Variants in SCN8A observed in about 807,000 individuals in gnomAD.
SCN8A encodes the protein sodium voltage-gated channel alpha subunit 8.
Under a neutral mutation model 184.1 loss-of-function variants are expected in SCN8A, and 30 were observed. That is an observed-to-expected ratio of 0.16 (90% CI 0.12 to 0.22). The LOEUF is 0.22. SCN8A is among the 10% of genes least tolerant of loss of function. SCN8A has a pLI of 1.00. For missense variants in SCN8A, 1,057 were observed against 2,498.9 expected (o/e 0.42, Z 12.30); for synonymous variants, 852 against 907.0 (o/e 0.94, Z 1.09).
chr12:51,720,529 C>T (rs1386980849), intron 11 of SCN8A, among the ~76,000 whole-genome samples: 1 of 151,378 alleles, frequency 6.6e-6, no homozygotes, highest in African/African-American at 2.4e-5. Flanking sequence ...GGGTGCAGCA[C>T]ACCAACATGG....
intron 11 of SCN8A, among the ~76,000 whole-genome samples, chr12:51,719,992 C>T (rs879388578): frequency 1.5e-3 from 210 of 144,294 alleles, no homozygotes; most frequent in Non-Finnish European, 2.5e-3. Flanking sequence ...AGGAGAATGG[C>T]GTGAACCTGG....
intron 16 of SCN8A, among the ~76,000 whole-genome samples, chr12:51,767,183 A>AT (rs755930489): frequency 1.2e-4 from 18 of 152,232 alleles, no homozygotes; most frequent in Non-Finnish European, 2.4e-4. Context: ...TTCAGTGACT[A>AT]TAACAATGGC....
At chr12:51,748,430 A>G (rs1189348528) in intron 13 of SCN8A, among the ~76,000 whole-genome samples, 1 of 152,092 alleles carries the variant, frequency 6.6e-6, no homozygotes. Context: ...CAGCACATTT[A>G]GTAGAGTTCA....
At chr12:51,710,769 A>G (rs1371380485) in intron 11 of SCN8A, among the ~76,000 whole-genome samples, 1 of 152,236 alleles carries the variant, frequency 6.6e-6, no homozygotes, top group Non-Finnish European at 1.5e-5. Flanking sequence ...TCCTTTCAAG[A>G]AACCTTCCCT....
At chr12:51,613,547 C>G (rs1350151035) in intron 1 of SCN8A, among the ~76,000 whole-genome samples, 1 of 151,868 alleles carries the variant, frequency 6.6e-6, no homozygotes, top group African/African-American at 2.4e-5. Context: ...TTTCAAAGAA[C>G]CAGCTTTTCC....
intron 21 of SCN8A, among the ~76,000 whole-genome samples, chr12:51,782,717 C>G (rs530796846): frequency 6.6e-6 from 1 of 152,174 alleles, no homozygotes; most frequent in South Asian, 2.1e-4. Context: ...TCCTCATGGC[C>G]GCTGAGGCCA....
Position 51,769,345 on chromosome 12 carries a change from C to A in SCN8A, c.3372+10C>A. ...TGAAGGCAGCAAAGATGTAAGGTCC[C>A]AGCCTAGAAACAGCCTTGATCCTGT... On this transcript the variant is annotated intron_variant, in intron 17 of 26. Coordinates refer to ENST00000627620, the MANE Select transcript of SCN8A (RefSeq NM_001330260.2). The A allele has an allele frequency of 6.4e-7, 1 of 1,563,518 alleles. No individual in the cohort carries two copies. The highest frequency in any genetic ancestry group is 1.2e-5 in the South Asian group (1 of 82,540).
At chr12:51,664,887 C>T (rs113888513) in intron 2 of SCN8A, among the ~76,000 whole-genome samples, 9,089 of 152,074 alleles carry the variant, frequency 0.06, 322 homozygotes, top group South Asian at 0.14. Context: ...TCCCCCCATT[C>T]CCTACCTCTG....
Position 51,754,323 on chromosome 12 carries a change from C to CTT in SCN8A, c.2370+2745_2370+2746dup, listed in dbSNP as rs35536426. ...GTTTCAAGTACAGTACAAAAAACTT[C>CTT]TTTTTTTTTTTTTTTTACAATAAAA... On this transcript the variant is annotated intron_variant, in intron 14 of 26. Transcript: ENST00000627620. Among the ~76,000 whole-genome samples the CTT allele has an allele frequency of 8.0e-3, 1,152 of 144,582 alleles. 27 individuals carry two copies. The South Asian group carries it at 0.094, about 12-fold the overall frequency. 94.9% of individuals were successfully genotyped at this position (144,582 alleles called of 152,430 possible).
intron 2 of SCN8A, among the ~76,000 whole-genome samples, chr12:51,668,318 C>T (rs1453558695): frequency 6.6e-6 from 1 of 152,094 alleles, no homozygotes; most frequent in East Asian, 1.9e-4. Context: ...CCTTAGACAT[C>T]ATCTAGTTCA....
intron 22 of SCN8A, among the ~76,000 whole-genome samples, chr12:51,787,947 A>T (rs1938133415): frequency 6.6e-6 from 1 of 152,220 alleles, no homozygotes; most frequent in African/African-American, 2.4e-5. Context: ...CCAGTCAAAC[A>T]TGGTAGTCAC....
rs1213382628 is a variant in SCN8A at position 51,721,563 on chromosome 12, A to G, written c.1653A>G (p.Pro551=). ...CCCTGCAGTCACTGCTCAGCATCCC[A>G]GGCTCGCCCTTCCTCTCCCGCCACA... ...SIMNQSLLSI[P]GSPFLSRHNS... The change falls in exon 12 of 27, where the codon CCA becomes CCG. Residue 551 remains proline (P), a synonymous_variant. Coordinates refer to ENST00000627620, the MANE Select transcript of SCN8A (RefSeq NM_001330260.2). 6.2e-7 allele frequency: 1 copy of G among 1,603,908 alleles called. No individual in the cohort carries two copies. Among genetic ancestry groups the G allele is most frequent in the Non-Finnish European group, 8.5e-7 (1 of 1,175,158 alleles).
chr12:51,654,620 ATG>A (rs1385237924), intron 1 of SCN8A, among the ~76,000 whole-genome samples: 1 of 151,896 alleles, frequency 6.6e-6, no homozygotes, highest in Non-Finnish European at 1.5e-5. Flanking sequence ...ATATCAGGAA[ATG>A]TGAGTCCTCC....
Position 51,663,903 on chromosome 12 carries a change from A to ATT in SCN8A, c.276+833_276+834dup, listed in dbSNP as rs796653928. Among the ~76,000 whole-genome samples, 83 of 69,810 alleles carry ATT rather than the reference A, an allele frequency of 1.2e-3. 1 individual carries two copies. Among genetic ancestry groups the ATT allele is most frequent in the African/African-American group, 2.5e-3 (51 of 20,734 alleles). 45.8% of individuals were successfully genotyped at this position (69,810 alleles called of 152,430 possible). ...TTTTAGGGAACCCCTCATTTGACAG[A>ATT]TTTTTTTTTTTTTTTTTTTTTTTTG... On this transcript the variant is annotated intron_variant, in intron 2 of 26. Coordinates refer to ENST00000627620, the MANE Select transcript of SCN8A (RefSeq NM_001330260.2).
intron 26 of SCN8A, among the ~76,000 whole-genome samples, chr12:51,797,755 C>A (rs551737206): frequency 1.3e-5 from 2 of 152,312 alleles, no homozygotes; most frequent in South Asian, 4.1e-4. Context: ...TAGTCTGGGT[C>A]AGTCACCCCA....
intron 1 of SCN8A, among the ~76,000 whole-genome samples, chr12:51,655,668 C>T (rs1940809041): frequency 6.6e-6 from 1 of 152,172 alleles, no homozygotes; most frequent in East Asian, 1.9e-4. Context: ...GTCACTGTGG[C>T]TGGTTGCATT....
intron 1 of SCN8A, among the ~76,000 whole-genome samples, chr12:51,624,609 T>C (rs570253624): frequency 1.3e-5 from 2 of 152,064 alleles, no homozygotes; most frequent in African/African-American, 4.8e-5. Flanking sequence ...AGAAGCTCTT[T>C]AGTTTAATTA....
At chr12:51,596,446 T>C (rs73295749) in intron 1 of SCN8A, among the ~76,000 whole-genome samples, 1,970 of 152,294 alleles carry the variant, frequency 0.013, 59 homozygotes, top group African/African-American at 0.045. Flanking sequence ...GGTACCTAGG[T>C]TGGTCGACTC....
intron 25 of SCN8A, 83 bp downstream of exon 25, chr12:51,790,585 AG>A (rs1222534923): frequency 2.4e-5 from 22 of 902,518 alleles, no homozygotes; most frequent in Non-Finnish European, 3.8e-5. Context: ...GGAAGGAAAA[AG>A]GTAAGTGATT....
Sources: gnomAD v4.1 joint callset for allele counts (sites outside exome capture counted in the v4.1 genomes callset) on GRCh38, gnomAD v4.1.1 for gene constraint, MANE v1.5 for transcripts, NCBI Gene and HGNC (gene_info 2026-07-23, HGNC 2026-07-21) for gene names.